PRPF39: variants seen among roughly 807,000 people sequenced by gnomAD.
PRPF39 encodes the protein pre-mRNA-processing factor 39.
PRPF39 carries 27 observed loss-of-function variants against 82.1 expected under a neutral mutation model. The ratio of observed to expected loss-of-function variants is 0.33; its 90% CI spans 0.24 to 0.45. The LOEUF is 0.45. Ranked by LOEUF, PRPF39 falls within the 20% of genes least tolerant of loss-of-function variation. The probability of loss-of-function intolerance (pLI) is 1.00; values close to 1 mark genes in which losing one functional copy is unlikely to be tolerated. For missense variants in PRPF39, 581 were observed against 796.9 expected (o/e 0.73, Z 3.26); for synonymous variants, 261 against 256.4 (o/e 1.02, Z -0.17).
chr14:45,093,708 A>G (rs1594725681), intron 1 of PRPF39, among the ~76,000 whole-genome samples: 1 of 151,850 alleles, frequency 6.6e-6, no homozygotes, highest in South Asian at 2.1e-4. Context: ...GGCATGTGCC[A>G]CCACGCCCGG....
chr14:45,095,301 C>G lies in PRPF39; in HGVS notation c.62C>G (p.Ser21Ter). The G allele has an allele frequency of 6.2e-7, 1 of 1,613,268 alleles. No individual in the cohort carries two copies. The highest frequency in any genetic ancestry group is 8.5e-7 in the Non-Finnish European group (1 of 1,179,304). Residue 21 changes from serine (S) to a stop codon, truncating the protein, a stop_gained, in exon 2 of 14, where the codon TCA (serine) becomes TGA (stop). Transcript: ENST00000355765. LOFTEE classifies it high-confidence loss of function. ...AGTAATGGCAGCACAGGCAACAGTT[C>G]AGAGGTAGTGGTAGAACATCCTACT... The part of the protein sequence containing the change: ...NSSNGSTGNS[S>*]EVVVEHPTDF...
intron 4 of PRPF39, among the ~76,000 whole-genome samples, chr14:45,100,410 A>T (rs913473496): frequency 4.6e-5 from 7 of 152,174 alleles, no homozygotes; most frequent in African/African-American, 1.7e-4. Context: ...TTCCTGAGCC[A>T]AGCAGTTTGT....
intron 2 of PRPF39, 125 bp downstream of exon 2, chr14:45,095,688 C>G: frequency 1.6e-6 from 2 of 1,227,752 alleles, no homozygotes; most frequent in Non-Finnish European, 2.2e-6. Context: ...AGTTGAATAA[C>G]ATTAGGTAGC....
In PRPF39 at chr14:45,112,079, T is replaced by C. The variant is rs561895657; in HGVS notation, c.1573-239T>C. ...GCTATAGAGTTTTAATTTACTGTCA[T>C]TGAACAATTTGCATTGTTTAGGAGG... is the stretch of plus-strand genomic sequence containing the variant. On this transcript the variant is annotated intron_variant, in intron 10 of 13. Coordinates refer to ENST00000355765, the MANE Select transcript of PRPF39 (RefSeq NM_017922.4). 1.5e-4 allele frequency among the ~76,000 whole-genome samples: 23 copies of C among 152,334 alleles called. No homozygotes were observed. In the South Asian group the frequency reaches 4.6e-3, roughly 30 times the overall value.
At position 45,110,569 on chromosome 14, in the gene PRPF39, A is replaced by G; in HGVS notation, c.1324A>G (p.Asn442Asp). 6.4e-7 allele frequency: 1 copy of G among 1,562,708 alleles called. No homozygotes were observed. Among genetic ancestry groups the G allele is most frequent in the African/African-American group, 1.4e-5 (1 of 73,852 alleles). Residue 442 changes from asparagine (N) to aspartate (D), a missense_variant, in exon 10 of 14, where the codon AAT (asparagine) becomes GAT (aspartate). By Grantham distance (23) the Asn-to-Asp change is conservative. Coordinates refer to ENST00000355765, the MANE Select transcript of PRPF39 (RefSeq NM_017922.4). The surrounding 1 kb of genome is among the most constrained non-coding windows in gnomAD (Gnocchi z 4.0). ...TCTAGGTAATATTAATGAAGCCAGG[A>G]ATATCTTGAAAACATTTGAAGAATG... ...EQQGNINEAR[N>D]ILKTFEECVL...
chr14:45,114,056 A>T (rs996175538), intron 11 of PRPF39, 127 bp from the exon 12 acceptor site: 1 of 643,756 alleles, frequency 1.6e-6, no homozygotes, highest in African/African-American at 1.9e-5. Flanking sequence ...TTAGTAGTAG[A>T]AATTTTAAAA....
At chr14:45,111,087 TTTACTGA>T in intron 10 of PRPF39, 2 of 387,188 alleles carry the variant, frequency 5.2e-6, no homozygotes, top group South Asian at 6.6e-5. Flanking sequence ...TATCAACAAA[TTTACTGA>T]TTACTAAGTA....
chr14:45,095,717 A>AAT, intron 2 of PRPF39, 154 bp downstream of exon 2: 1 of 998,208 alleles, frequency 1.0e-6, no homozygotes. Context: ...TAGCTTTGAA[A>AAT]ATAGCTTACA....
intron 3 of PRPF39, chr14:45,096,665 G>A (rs1465241106): frequency 6.0e-6 from 9 of 1,503,894 alleles, no homozygotes; most frequent in East Asian, 2.6e-5. Context: ...CACACAACCC[G>A]GTCAGAATGC....
intron 5 of PRPF39, 134 bp downstream of exon 5, chr14:45,102,830 A>G: frequency 1.2e-6 from 1 of 866,626 alleles, no homozygotes; most frequent in East Asian, 2.9e-5. Context: ...GTTGCTAATC[A>G]CAACCTACAT....
chr14:45,114,967 T>A lies in PRPF39; in HGVS notation c.*54T>A. ...GTGTGAAAAGTATGAAATTATTATT[T>A]TTTTTAATGAGGGATGTAAACAGTA... On this transcript the variant is annotated 3_prime_UTR_variant, in exon 14 of 14. Coordinates refer to ENST00000355765, the MANE Select transcript of PRPF39 (RefSeq NM_017922.4). 1.4e-6 allele frequency: 2 copies of A among 1,397,536 alleles called. No individual in the cohort carries two copies. The highest frequency in any genetic ancestry group is 1.0e-6 in the Non-Finnish European group (1 of 986,200). The allele number at this position is 1,397,536 out of a possible 1,614,324, so 86.6% of individuals were successfully genotyped here.
rs147657088 is a variant in PRPF39, at chr14:45,110,869, G to A, written c.1572+52G>A. 237 of 1,459,860 alleles carry A rather than the reference G, an allele frequency of 1.6e-4. 1 individual carries two copies. The Middle Eastern group carries it at 1.9e-3, about 12-fold the overall frequency. The allele number at this position is 1,459,860 out of a possible 1,614,324, so 90.4% of individuals were successfully genotyped here. ...CTTCTATTAAAAAAACCAGTGGTCA[G>A]TGTATTTTCACTGTGGCAACTGTGA... On this transcript the variant is annotated intron_variant, in intron 10 of 13. Coordinates refer to ENST00000355765, the MANE Select transcript of PRPF39 (RefSeq NM_017922.4). The surrounding 1 kb of genome is among the most constrained non-coding windows in gnomAD (Gnocchi z 4.0).
At chr14:45,088,804 T>C (rs938631534) in intron 1 of PRPF39, among the ~76,000 whole-genome samples, 4 of 152,240 alleles carry the variant, frequency 2.6e-5, no homozygotes, top group Admixed American at 6.5e-5. Context: ...GGCAACTCGA[T>C]ACACAGTAGT....
chr14:45,097,925 A>G (rs887566206), intron 4 of PRPF39, among the ~76,000 whole-genome samples: 6 of 152,116 alleles, frequency 3.9e-5, no homozygotes, highest in African/African-American at 1.4e-4. Flanking sequence ...TTCTTCTGGT[A>G]TTTTCCACCA....
intron 1 of PRPF39, among the ~76,000 whole-genome samples, chr14:45,090,431 A>ACTTTG (rs1883984718): frequency 6.6e-6 from 1 of 152,042 alleles, no homozygotes; most frequent in Middle Eastern, 3.2e-3. Flanking sequence ...GCTCCATGCT[A>ACTTTG]CTTTGCTTTT....
intron 11 of PRPF39, 139 bp downstream of exon 11, chr14:45,112,641 A>C: frequency 1.2e-6 from 1 of 837,818 alleles, no homozygotes; most frequent in Non-Finnish European, 1.6e-6. Flanking sequence ...TCAGATATAT[A>C]TGGGGGTAAA....
rs1361520794 is a variant in PRPF39 at position 45,116,134 on chromosome 14, A to G, written c.*1221A>G. The G allele has an allele frequency of 8.4e-7, 1 of 1,192,544 alleles. No homozygotes were observed. Among genetic ancestry groups the G allele is most frequent in the Admixed American group, 1.7e-5 (1 of 57,940 alleles). The allele number at this position is 1,192,544 out of a possible 1,614,324, so 73.9% of individuals were successfully genotyped here. ...AGTAACAAGTTCTAACTAGTTGTGT[A>G]AATTTCTTCAAGGCCAAGTTTTATC... is the stretch of plus-strand genomic sequence containing the variant. On this transcript the variant is annotated 3_prime_UTR_variant, in exon 14 of 14. Transcript: ENST00000355765.
At chr14:45,087,217 G>C (rs1883860267) in intron 1 of PRPF39, among the ~76,000 whole-genome samples, 2 of 152,094 alleles carry the variant, frequency 1.3e-5, no homozygotes, top group South Asian at 4.2e-4. Flanking sequence ...TCCTGCCTCA[G>C]CTTCCCAAGT....
intron 7 of PRPF39, 78 bp downstream of exon 7, chr14:45,108,600 T>TA: frequency 1.3e-6 from 2 of 1,482,170 alleles, no homozygotes; most frequent in Non-Finnish European, 1.8e-6. Flanking sequence ...TTGATAGTAC[T>TA]ATCTCTGTTG....
Sources: allele counts gnomAD v4.1 joint callset (sites outside exome capture counted in the v4.1 genomes callset), GRCh38; gene constraint gnomAD v4.1.1; non-coding constraint Gnocchi (gnomAD v3.1); transcripts MANE v1.5; gene names NCBI Gene and HGNC (gene_info 2026-07-23, HGNC 2026-07-21).